ARHGAP24: variants seen among roughly 807,000 people sequenced by gnomAD.
The protein encoded by ARHGAP24 is rho GTPase-activating protein 24.
Under a neutral mutation model 76.4 loss-of-function variants are expected in ARHGAP24, and 50 were observed. That is an observed-to-expected ratio of 0.65 (90% confidence interval 0.52 to 0.83). The LOEUF is 0.83. ARHGAP24 is among the 40% of genes least tolerant of loss of function. The pLI, the probability that ARHGAP24 is intolerant of heterozygous loss-of-function variation, is 0.00. For missense variants in ARHGAP24, 930 were observed against 914.2 expected, an observed-to-expected ratio of 1.02 and a Z score of -0.22; for synonymous variants, 345 against 323.3, an observed-to-expected ratio of 1.07 and a Z score of -0.72.
chr4:85,953,280 G>A (rs1248782181), intron 5 of ARHGAP24, among the ~76,000 whole-genome samples: 2 of 152,068 alleles, frequency 1.3e-5, no homozygotes, highest in African/African-American at 4.8e-5. Flanking sequence ...TCCTCTTTCT[G>A]CTATTCTCCC....
At chr4:85,708,906 T>G (rs963933997) in intron 2 of ARHGAP24, among the ~76,000 whole-genome samples, 7 of 152,210 alleles carry the variant, frequency 4.6e-5, no homozygotes, top group African/African-American at 1.7e-4. Flanking sequence ...ACATGCCTTA[T>G]TTAATTTTAA....
intron 2 of ARHGAP24, among the ~76,000 whole-genome samples, chr4:85,617,102 T>A (rs976000837): frequency 2.9e-5 from 2 of 68,478 alleles, no homozygotes; most frequent in Non-Finnish European, 5.8e-5. Context: ...TATTTATAAA[T>A]ATATATTTAA....
intron 2 of ARHGAP24, among the ~76,000 whole-genome samples, chr4:85,645,681 C>T (rs1327570894): frequency 6.6e-6 from 1 of 151,974 alleles, no homozygotes; most frequent in East Asian, 1.9e-4. Context: ...TAAAAAGAAG[C>T]ACATATTGGA....
At chr4:85,759,437 T>A (rs1180717768) in intron 3 of ARHGAP24, among the ~76,000 whole-genome samples, 1 of 152,114 alleles carries the variant, frequency 6.6e-6, no homozygotes, top group East Asian at 1.9e-4. Flanking sequence ...GAATAATTAG[T>A]CAATACCACC....
chr4:85,624,677 G>C (rs1040864826), intron 2 of ARHGAP24, among the ~76,000 whole-genome samples: 1 of 152,096 alleles, frequency 6.6e-6, no homozygotes, highest in Non-Finnish European at 1.5e-5. Flanking sequence ...GCTCCTCTTT[G>C]TACCTCTGGT....
chr4:85,769,266 A>G (rs1727039780), intron 3 of ARHGAP24, among the ~76,000 whole-genome samples: 1 of 152,174 alleles, frequency 6.6e-6, no homozygotes, highest in African/African-American at 2.4e-5. Flanking sequence ...AAATCAGTAA[A>G]CATTTATTAG....
rs1186400300 is a variant in ARHGAP24 at position 86,000,739 on chromosome 4, T to A, written c.*17T>A. The A allele has an allele frequency of 6.2e-7, 1 of 1,613,346 alleles. No individual in the cohort carries two copies. The highest frequency in any genetic ancestry group is 1.7e-5 in the Admixed American group (1 of 59,968). On this transcript the variant is annotated 3_prime_UTR_variant, in exon 10 of 10. Transcript: ENST00000395184. ...ATTCAGTGAGCCTGCTTTCGCCTGCTGTCTCTGATGGCTCTGGCAAGGACT... is the reference window on the plus strand; with the variant it reads ...ATTCAGTGAGCCTGCTTTCGCCTGCAGTCTCTGATGGCTCTGGCAAGGACT...
At chr4:85,621,687 GA>G (rs2110003847) in intron 2 of ARHGAP24, among the ~76,000 whole-genome samples, 1 of 151,970 alleles carries the variant, frequency 6.6e-6, no homozygotes, top group South Asian at 2.1e-4. Context: ...TTTATAGTTT[GA>G]AAATATTTTC....
At chr4:85,959,787 G>A (rs776680650) in intron 5 of ARHGAP24, among the ~76,000 whole-genome samples, 9 of 152,112 alleles carry the variant, frequency 5.9e-5, no homozygotes, top group Non-Finnish European at 1.3e-4. Flanking sequence ...CCAAAAAGGC[G>A]GAACCATCTG....
At chr4:85,526,421 T>C (rs1311365555) in intron 1 of ARHGAP24, among the ~76,000 whole-genome samples, 1 of 149,732 alleles carries the variant, frequency 6.7e-6, no homozygotes, top group African/African-American at 2.4e-5. Context: ...AAGAAACAAC[T>C]TTTTTTTTAC....
At chr4:85,865,549 ATTAT>A (rs1732149927) in intron 3 of ARHGAP24, among the ~76,000 whole-genome samples, 1 of 147,160 alleles carries the variant, frequency 6.8e-6, no homozygotes, top group Admixed American at 6.8e-5. Flanking sequence ...AGAATAATTA[ATTAT>A]TATAAAATAA....
chr4:85,495,552 C>T (rs1029239200), intron 1 of ARHGAP24, among the ~76,000 whole-genome samples: 163 of 151,682 alleles, frequency 1.1e-3, no homozygotes, highest in African/African-American at 3.8e-3. Flanking sequence ...GGGTTTTCAC[C>T]GTGTTAGCCA....
intron 7 of ARHGAP24, 27 bp downstream of exon 7, chr4:85,974,988 A>C (rs746204493): frequency 1.3e-6 from 2 of 1,590,808 alleles, no homozygotes; most frequent in African/African-American, 2.7e-5. Context: ...GGACAAACGT[A>C]AACAAGACAA....
chr4:85,894,373 G>A (rs1329673877), intron 3 of ARHGAP24, among the ~76,000 whole-genome samples: 4 of 152,088 alleles, frequency 2.6e-5, no homozygotes, highest in Admixed American at 1.3e-4. Context: ...CAAAAGGACA[G>A]GATGAGGAAA....
rs986558928 is a variant in ARHGAP24 at position 85,692,853 on chromosome 4, T to A, written c.181-29032T>A. Among the ~76,000 whole-genome samples, 7 of 152,202 alleles carry A rather than the reference T, an allele frequency of 4.6e-5. No individual in the cohort carries two copies. The South Asian group carries it at 1.4e-3, about 32-fold the overall frequency. ...CATTGTCAGAGACTAGTGGAATCAT[T>A]TGGAAGTGAGGGGACACTCTTGCTT... On this transcript the variant is annotated intron_variant, in intron 2 of 9. Coordinates refer to ENST00000395184, the MANE Select transcript of ARHGAP24 (RefSeq NM_001025616.3).
Position 85,504,547 on chromosome 4 carries a change from C to T in ARHGAP24, c.-21+28988C>T, listed in dbSNP as rs1723958526. 2.0e-5 allele frequency among the ~76,000 whole-genome samples: 3 copies of T among 152,094 alleles called. 1 individual carries two copies. In the South Asian group the frequency reaches 6.2e-4, roughly 32 times the overall value. The stretch of plus-strand genomic sequence containing the variant: ...TCAGAGACTAGGATTGCAACCCCTG[C>T]CTTTTTTTGTTTTCCATTTGCTTGG... On this transcript the variant is annotated intron_variant, in intron 1 of 9. Transcript: ENST00000395184.
chr4:85,630,053 T>C (rs1455298059), intron 2 of ARHGAP24, among the ~76,000 whole-genome samples: 1 of 152,096 alleles, frequency 6.6e-6, no homozygotes, highest in Non-Finnish European at 1.5e-5. Context: ...TCTTTCTTTC[T>C]TTTTCCTCTA....
intron 2 of ARHGAP24, among the ~76,000 whole-genome samples, chr4:85,649,752 C>T (rs1260432465): frequency 6.6e-6 from 1 of 152,132 alleles, no homozygotes; most frequent in Non-Finnish European, 1.5e-5. Context: ...TTCACATTCA[C>T]TGGAGAAGCA....
chr4:85,933,074 T>C (rs890971701), intron 4 of ARHGAP24, among the ~76,000 whole-genome samples: 1 of 152,146 alleles, frequency 6.6e-6, no homozygotes, highest in African/African-American at 2.4e-5. Context: ...AGTGTGTTCT[T>C]TTGTGCTTTA....
Sources: gnomAD v4.1 joint callset for allele counts (sites outside exome capture counted in the v4.1 genomes callset) on GRCh38, gnomAD v4.1.1 for gene constraint, MANE v1.5 for transcripts, NCBI Gene and HGNC (gene_info 2026-07-23, HGNC 2026-07-21) for gene names.